The following KIF26A variants were observed in gnomAD, a reference collection of about 807,000 sequenced individuals.
The protein encoded by KIF26A is kinesin-like protein KIF26A.
A neutral mutation model predicts 126.0 loss-of-function variants in KIF26A; 74 were observed. The observed-to-expected ratio is 0.59, with a 90% CI of 0.49 to 0.71. KIF26A has a LOEUF of 0.71. Among genes scored for constraint, KIF26A ranks in the 30% least tolerant of loss-of-function variants. The pLI is 0.00. For missense variants in KIF26A, 2,984 were observed against 2,763.3 expected (o/e 1.08, Z -1.79); for synonymous variants, 1,445 against 1,232.7 (o/e 1.17, Z -3.61).
At position 104,148,112 on chromosome 14, in the gene KIF26A, A is replaced by T. The variant is rs145703755; in HGVS notation, c.289-3903A>T. Among the ~76,000 whole-genome samples the T allele has an allele frequency of 2.6e-3, 389 of 152,258 alleles. 3 individuals carry two copies. The highest frequency in any genetic ancestry group is 8.8e-3 in the African/African-American group (367 of 41,552). ...TGGAGTGGGGAGACTTCTCTCCTGC[A>T]GTGACGGGGAGCGGGGAGTCCCCGG... On this transcript the variant is annotated intron_variant, in intron 2 of 14. Transcript: ENST00000423312. The surrounding 1 kb of genome is among the most constrained non-coding windows in gnomAD (Gnocchi z 4.3).
At chr14:104,145,558 C>T (rs902764325) in intron 2 of KIF26A, among the ~76,000 whole-genome samples, 7 of 152,218 alleles carry the variant, frequency 4.6e-5, no homozygotes, top group South Asian at 2.1e-4. Context: ...GTCCCTCCTG[C>T]GCTGGCCTCT....
intron 3 of KIF26A, among the ~76,000 whole-genome samples, chr14:104,157,504 G>A (rs1341175406): frequency 6.6e-6 from 1 of 152,130 alleles, no homozygotes; most frequent in Non-Finnish European, 1.5e-5. Flanking sequence ...GTCCTGCTGG[G>A]GCAGACCGCC....
At chr14:104,150,482 G>C (rs996075142) in intron 2 of KIF26A, among the ~76,000 whole-genome samples, 5 of 151,888 alleles carry the variant, frequency 3.3e-5, no homozygotes, top group Admixed American at 2.6e-4. Context: ...CATGATTGCC[G>C]CACATGCTTG....
Position 104,176,808 on chromosome 14 carries a change from C to A in KIF26A, c.4020C>A (p.Pro1340=), listed in dbSNP as rs750645206. The change falls in exon 12 of 15, where the codon CCC becomes CCA. Residue 1340 remains proline, a synonymous_variant. Transcript: ENST00000423312. ...VACSGSLKAS[P]TSKKGLAPKA... is the part of the protein sequence containing the mutation. ...GCTCGGGGAGCCTGAAGGCCTCCCC[C>A]ACCAGCAAGAAGGGTCTGGCTCCCA... The A allele has an allele frequency of 1.9e-6, 3 of 1,562,458 alleles. No individual in the cohort carries two copies. In the South Asian group the frequency reaches 3.5e-5, roughly 18 times the overall value.
intron 5 of KIF26A, among the ~76,000 whole-genome samples, chr14:104,169,610 C>T (rs1406387976): frequency 6.6e-6 from 1 of 152,224 alleles, no homozygotes. Flanking sequence ...GCCTGAAAGG[C>T]GTTTAATATT....
In KIF26A at chr14:104,151,767, C is replaced by T. The variant is rs972256404; in HGVS notation, c.289-248C>T. Among the ~76,000 whole-genome samples the T allele has an allele frequency of 5.9e-5, 9 of 152,254 alleles. No homozygotes were observed. Among genetic ancestry groups the T allele is most frequent in the African/African-American group, 1.9e-4 (8 of 41,468 alleles). On this transcript the variant is annotated intron_variant, in intron 2 of 14. Transcript: ENST00000423312. This position sits in a 1 kb window ranked among gnomAD's most constrained non-coding sequence, Gnocchi z 4.9. Reference sequence around the variant, plus strand: ...CTGCCTTGTTAGCCGCAGGCCGGGGCGCTTAATGACGGCTGGGGAAGGTGG... The same window carrying T: ...CTGCCTTGTTAGCCGCAGGCCGGGGTGCTTAATGACGGCTGGGGAAGGTGG...
intron 5 of KIF26A, among the ~76,000 whole-genome samples, 177 bp from the exon 6 acceptor site, chr14:104,171,546 C>T (rs2037956873): frequency 6.6e-6 from 1 of 152,258 alleles, no homozygotes; most frequent in African/African-American, 2.4e-5. Context: ...GCTCTGCTGA[C>T]CTCATATGGG....
intron 4 of KIF26A, among the ~76,000 whole-genome samples, chr14:104,165,555 G>C (rs1334029350): frequency 6.8e-6 from 1 of 146,544 alleles, no homozygotes; most frequent in Admixed American, 6.7e-5. Flanking sequence ...GTGTGTGTGT[G>C]TCTGTGTGTT....
intron 4 of KIF26A, among the ~76,000 whole-genome samples, chr14:104,164,205 G>T (rs1302469050): frequency 6.6e-6 from 1 of 152,096 alleles, no homozygotes; most frequent in Non-Finnish European, 1.5e-5. Context: ...TTCCACACTG[G>T]GGTCAGTTTT....
In KIF26A at chr14:104,175,091, G is replaced by T; in HGVS notation, c.2303G>T (p.Arg768Leu). 1 of 1,599,534 alleles carries T rather than the reference G, an allele frequency of 6.3e-7. No homozygotes were observed. Residue 768 changes from arginine (R) to leucine (L), a missense_variant, in exon 12 of 15, where the codon CGC becomes CTC. Transcript: ENST00000423312. ...CGCACTGTGGCCCTGGACCCCGACC[G>T]CACGCCTCCCTGCCTGCCCGGTGAC... ...HPRTVALDPD[R>L]TPPCLPGDPD...
rs1280313946 is a variant in KIF26A, at chr14:104,152,368, G to A, written c.642G>A (p.Gly214=). The change falls in exon 3 of 15, where the codon GGG becomes GGA. Residue 214 remains glycine (G), a synonymous_variant. Transcript: ENST00000423312. The surrounding 1 kb of genome is among the most constrained non-coding windows in gnomAD (Gnocchi z 5.9). ...CTGTAGCACCTGCGGGTCTTGGAGG[G>A]GCGCTGAGCACGGTCACCATCCAGG... The part of the protein sequence containing the change: ...QVSVAPAGLG[G]ALSTVTIQAQ... The A allele has an allele frequency of 1.9e-6, 3 of 1,591,636 alleles. No individual in the cohort carries two copies. Among genetic ancestry groups the A allele is most frequent in the Non-Finnish European group, 2.6e-6 (3 of 1,170,644 alleles).
intron 4 of KIF26A, among the ~76,000 whole-genome samples, chr14:104,162,114 T>C (rs56219119): frequency 0.51 from 77,543 of 152,014 alleles, 20,263 homozygotes; most frequent in African/African-American, 0.64. Flanking sequence ...GAGAAAGTGC[T>C]CGTTCTGGGG....
At position 104,176,283 on chromosome 14, in the gene KIF26A, A is replaced by G; in HGVS notation, c.3495A>G (p.Arg1165=). The G allele has an allele frequency of 6.3e-7, 1 of 1,590,622 alleles. No homozygotes were observed. Among genetic ancestry groups the G allele is most frequent in the Non-Finnish European group, 8.6e-7 (1 of 1,166,938 alleles). Residue 1165 remains arginine (R), a synonymous_variant, in exon 12 of 15, where the codon AGA becomes AGG. Transcript: ENST00000423312. ...DGSSGFLGPD[R]PDSPGPTWGP... ...GCTCTGGGTTCCTGGGGCCAGACAG[A>G]CCTGACAGTCCTGGGCCAACCTGGG...
At chr14:104,165,171 A>G (rs2037874873) in intron 4 of KIF26A, among the ~76,000 whole-genome samples, 1 of 144,684 alleles carries the variant, frequency 6.9e-6, no homozygotes, top group Non-Finnish European at 1.5e-5. Flanking sequence ...ATCTCTATGC[A>G]TGTGTCTGTG....
intron 2 of KIF26A, among the ~76,000 whole-genome samples, chr14:104,140,169 C>T (rs779590230): frequency 7.9e-5 from 12 of 152,192 alleles, no homozygotes; most frequent in Non-Finnish European, 1.6e-4. Flanking sequence ...CCTGACTGCC[C>T]TGTCTGGGGC....
chr14:104,146,845 G>C (rs1350196342), intron 2 of KIF26A, among the ~76,000 whole-genome samples: 1 of 152,184 alleles, frequency 6.6e-6, no homozygotes, highest in Non-Finnish European at 1.5e-5. Flanking sequence ...GGGCAGGCCA[G>C]GTGACAGGAG....
intron 4 of KIF26A, among the ~76,000 whole-genome samples, chr14:104,164,328 A>C (rs1404129765): frequency 6.6e-6 from 1 of 151,772 alleles, no homozygotes; most frequent in Non-Finnish European, 1.5e-5. Flanking sequence ...AGCGTTCACC[A>C]CACCCTTCGC....
chr14:104,160,625 G>T (rs2037824475), intron 4 of KIF26A, among the ~76,000 whole-genome samples: 1 of 152,274 alleles, frequency 6.6e-6, no homozygotes, highest in African/African-American at 2.4e-5. Context: ...TGGCCCCGGG[G>T]TTAGGAGTTC....
chr14:104,179,129 C>T, intron 13 of KIF26A, 107 bp from the exon 14 acceptor site: 1 of 1,284,322 alleles, frequency 7.8e-7, no homozygotes. Flanking sequence ...CACTGTGTGC[C>T]TGCCAAGGCC....
Sources: allele counts gnomAD v4.1 joint callset (sites outside exome capture counted in the v4.1 genomes callset), GRCh38; gene constraint gnomAD v4.1.1; non-coding constraint Gnocchi (gnomAD v3.1); transcripts MANE v1.5; gene names NCBI Gene and HGNC (gene_info 2026-07-23, HGNC 2026-07-21).